Variants in ALDH1A2 observed in about 807,000 individuals in gnomAD.
ALDH1A2 encodes retinal dehydrogenase 2.
A neutral mutation model predicts 60.3 loss-of-function variants in ALDH1A2; 27 were observed. The ratio of observed to expected loss-of-function variants is 0.45; its 90% CI spans 0.33 to 0.62. The LOEUF (loss-of-function observed/expected upper bound fraction) is 0.62. Ranked by LOEUF, ALDH1A2 falls within the 20% of genes least tolerant of loss-of-function variation. The pLI, the probability that ALDH1A2 is intolerant of heterozygous loss-of-function variation, is 0.02. For synonymous variants in ALDH1A2, 289 were observed against 232.4 expected (o/e 1.24, Z -2.21); for missense variants, 581 against 643.8 (o/e 0.90, Z 1.06).
At chr15:58,048,775 G>C (rs1896699477) in intron 1 of ALDH1A2, among the ~76,000 whole-genome samples, 2 of 152,002 alleles carry the variant, frequency 1.3e-5, no homozygotes, top group African/African-American at 4.8e-5. Flanking sequence ...CACCTGAGCT[G>C]AGTCTCATGG....
chr15:58,065,686 G>C lies in ALDH1A2; in HGVS notation c.-36C>G. 1 of 1,441,922 alleles carries C rather than the reference G, an allele frequency of 6.9e-7. No homozygotes were observed. Among genetic ancestry groups the C allele is most frequent in the Middle Eastern group, 1.9e-4 (1 of 5,364 alleles). The allele number at this position is 1,441,922 out of a possible 1,614,324, so 89.3% of individuals were successfully genotyped here. A position where few individuals can be genotyped will look rare whatever the true frequency, so the allele number is the denominator to read the frequency against. ...CGGGTGTCCCTAGCCCGCGGCGTGG[G>C]GCAGTGCGGGCTGTGCGCGCGGTCC... On this transcript the variant is annotated 5_prime_UTR_variant, in exon 1 of 13. Coordinates refer to ENST00000249750, the MANE Select transcript of ALDH1A2 (RefSeq NM_003888.4).
At chr15:58,010,147 C>T (rs534759743) in intron 4 of ALDH1A2, among the ~76,000 whole-genome samples, 2 of 152,076 alleles carry the variant, frequency 1.3e-5, no homozygotes, top group South Asian at 2.1e-4. Flanking sequence ...AATTCACGGC[C>T]GTTCGAGAAA....
chr15:57,959,338 A>C (rs1596063385), intron 12 of ALDH1A2, among the ~76,000 whole-genome samples: 1 of 152,256 alleles, frequency 6.6e-6, no homozygotes, highest in East Asian at 1.9e-4. Flanking sequence ...GAAGGTCAAA[A>C]GCAAATGAAG....
At chr15:58,016,983 T>C (rs1250693931) in intron 1 of ALDH1A2, among the ~76,000 whole-genome samples, 2 of 152,176 alleles carry the variant, frequency 1.3e-5, no homozygotes, top group Admixed American at 6.5e-5. Context: ...AAGAGAAAGA[T>C]ATTTCACAAT....
rs1486964749 is a variant in ALDH1A2 at position 57,965,919 on chromosome 15, C to T, written c.799-92G>A. ...AGCTCAGGGCATCAATGGGATGCAACAGTAACAAACCCTAAAAGGCAAGCC... is the reference window on the plus strand; with the variant it reads ...AGCTCAGGGCATCAATGGGATGCAATAGTAACAAACCCTAAAAGGCAAGCC... On this transcript the variant is annotated intron_variant, in intron 7 of 12. Transcript: ENST00000249750. The T allele has an allele frequency of 8.3e-6, 8 of 958,674 alleles. 1 individual carries two copies. Among genetic ancestry groups the T allele is most frequent in the South Asian group, 2.6e-5 (2 of 76,164 alleles). 59.4% of individuals were successfully genotyped at this position (958,674 alleles called of 1,614,324 possible).
At chr15:57,970,525 G>A (rs1894028784) in intron 7 of ALDH1A2, among the ~76,000 whole-genome samples, 1 of 152,088 alleles carries the variant, frequency 6.6e-6, no homozygotes, top group South Asian at 2.1e-4. Context: ...AGCAATTTGG[G>A]GCTTTGCAAG....
chr15:57,971,198 C>T (rs1423545865), intron 7 of ALDH1A2, among the ~76,000 whole-genome samples: 1 of 152,216 alleles, frequency 6.6e-6, no homozygotes, highest in Non-Finnish European at 1.5e-5. Flanking sequence ...TTTGCATAAG[C>T]TGCTCCATCT....
At chr15:57,973,847 G>A (rs1566933685) in intron 7 of ALDH1A2, among the ~76,000 whole-genome samples, 1 of 152,176 alleles carries the variant, frequency 6.6e-6, no homozygotes, top group Non-Finnish European at 1.5e-5. Flanking sequence ...AAGTTTAGCT[G>A]AAAACTTGCT....
chr15:58,006,382 A>G (rs1895458516), intron 4 of ALDH1A2, among the ~76,000 whole-genome samples: 1 of 152,034 alleles, frequency 6.6e-6, no homozygotes, highest in Admixed American at 6.6e-5. Flanking sequence ...TCCATGGTGC[A>G]TATTTACCAC....
At chr15:57,997,143 G>A (rs1041165256) in intron 4 of ALDH1A2, among the ~76,000 whole-genome samples, 6 of 151,990 alleles carry the variant, frequency 3.9e-5, no homozygotes, top group East Asian at 1.9e-4. Context: ...AAAAAATAGC[G>A]AAGATGTTGC....
chr15:57,959,020 C>A (rs1453936313), intron 12 of ALDH1A2, among the ~76,000 whole-genome samples: 1 of 152,120 alleles, frequency 6.6e-6, no homozygotes, highest in Non-Finnish European at 1.5e-5. Context: ...TCCTGGACCA[C>A]CTTTCTGGGC....
At chr15:57,968,079 T>C (rs1566931581) in intron 7 of ALDH1A2, among the ~76,000 whole-genome samples, 1 of 152,186 alleles carries the variant, frequency 6.6e-6, no homozygotes, top group African/African-American at 2.4e-5. Context: ...CTGTCTGCTC[T>C]TCTGAGAATG....
chr15:58,009,018 G>C (rs1566946980), intron 4 of ALDH1A2, among the ~76,000 whole-genome samples: 1 of 152,006 alleles, frequency 6.6e-6, no homozygotes, highest in Non-Finnish European at 1.5e-5. Context: ...TTGAACAAGG[G>C]AAAAACCTCT....
intron 7 of ALDH1A2, among the ~76,000 whole-genome samples, chr15:57,988,932 G>A (rs1195022795): frequency 1.3e-5 from 2 of 152,160 alleles, no homozygotes; most frequent in African/African-American, 4.8e-5. Flanking sequence ...ATTTTGGGAG[G>A]CTGAGGCTGG....
chr15:58,036,261 C>T (rs1384135068), intron 1 of ALDH1A2, among the ~76,000 whole-genome samples: 4 of 151,530 alleles, frequency 2.6e-5, no homozygotes, highest in Non-Finnish European at 5.9e-5. Flanking sequence ...ACACTATCAA[C>T]AAATCACTGG....
At chr15:57,976,011 G>C (rs2140467329) in intron 7 of ALDH1A2, among the ~76,000 whole-genome samples, 1 of 152,232 alleles carries the variant, frequency 6.6e-6, no homozygotes, top group African/African-American at 2.4e-5. Flanking sequence ...CAATAAAGCT[G>C]TTAATAAAGG....
intron 7 of ALDH1A2, among the ~76,000 whole-genome samples, chr15:57,991,855 A>C (rs1188196223): frequency 6.6e-6 from 1 of 152,170 alleles, no homozygotes; most frequent in African/African-American, 2.4e-5. Context: ...GTGAGGTTCT[A>C]CTTGAAACAA....
intron 3 of ALDH1A2, among the ~76,000 whole-genome samples, chr15:58,013,122 C>T (rs535904905): frequency 1.3e-5 from 2 of 152,320 alleles, no homozygotes; most frequent in South Asian, 4.1e-4. Context: ...TCTCTCCTTT[C>T]TACTGGCTCA....
At chr15:58,046,738 T>C (rs1356005801) in intron 1 of ALDH1A2, among the ~76,000 whole-genome samples, 1 of 152,052 alleles carries the variant, frequency 6.6e-6, no homozygotes, top group Non-Finnish European at 1.5e-5. Flanking sequence ...CTCTCTTCCC[T>C]AAGTTCTTGA....
Sources: allele counts gnomAD v4.1 joint callset (sites outside exome capture counted in the v4.1 genomes callset), GRCh38; gene constraint gnomAD v4.1.1; transcripts MANE v1.5; gene names NCBI Gene and HGNC (gene_info 2026-07-23, HGNC 2026-07-21).